CBL: variants seen among roughly 807,000 people sequenced by gnomAD.
CBL encodes the protein Cbl proto-oncogene.
CBL carries 45 observed loss-of-function variants against 96.9 expected under a neutral mutation model. That is an observed-to-expected ratio of 0.46 (90% CI 0.37 to 0.60). The LOEUF (loss-of-function observed/expected upper bound fraction) is 0.60. Ranked by LOEUF, CBL falls within the 20% of genes least tolerant of loss-of-function variation. The pLI is 0.00. For missense variants in CBL, 1,024 were observed against 1,143.5 expected, an observed-to-expected ratio of 0.90 and a Z score of 1.51; for synonymous variants, 420 against 426.8, an observed-to-expected ratio of 0.98 and a Z score of 0.20.
chr11:119,283,621 C>CTT (rs1410071154), intron 9 of CBL, among the ~76,000 whole-genome samples: 3 of 36,492 alleles, frequency 8.2e-5, no homozygotes, highest in South Asian at 1.4e-3. Context: ...CTTTTTAATT[C>CTT]TTTCTTTTTT....
At chr11:119,240,202 C>G (rs1237344043) in intron 2 of CBL, among the ~76,000 whole-genome samples, 1 of 151,376 alleles carries the variant, frequency 6.6e-6, no homozygotes, top group African/African-American at 2.4e-5. Context: ...GGCTAAGGCA[C>G]GAGAATTGCT....
At chr11:119,246,768 A>C (rs1057134792) in intron 2 of CBL, among the ~76,000 whole-genome samples, 14 of 152,160 alleles carry the variant, frequency 9.2e-5, no homozygotes, top group Non-Finnish European at 1.8e-4. Flanking sequence ...TAGTTTCTTA[A>C]AAGGTTAGTT....
At chr11:119,242,831 A>G (rs1301913848) in intron 2 of CBL, among the ~76,000 whole-genome samples, 1 of 151,738 alleles carries the variant, frequency 6.6e-6, no homozygotes, top group Non-Finnish European at 1.5e-5. Flanking sequence ...TGGCAAATCT[A>G]CTTTTTTTTA....
At position 119,222,835 on chromosome 11, in the gene CBL, A is replaced by T. The variant is rs76928939; in HGVS notation, c.196-9613A>T. 7.2e-5 allele frequency among the ~76,000 whole-genome samples: 11 copies of T among 152,264 alleles called. No individual in the cohort carries two copies. The East Asian group carries it at 2.1e-3, about 29-fold the overall frequency. On this transcript the variant is annotated intron_variant, in intron 1 of 15. Coordinates refer to ENST00000264033, the MANE Select transcript of CBL (RefSeq NM_005188.4). The stretch of plus-strand genomic sequence containing the variant: ...CCATTTTTTAAAAGAGGTTATACAT[A>T]ATAAGGACTTTTTTTCCTTTCCAAA...
chr11:119,220,464 T>C (rs1205585665), intron 1 of CBL, among the ~76,000 whole-genome samples: 2 of 152,186 alleles, frequency 1.3e-5, no homozygotes, highest in Non-Finnish European at 1.5e-5. Context: ...TAGCCAGGTG[T>C]GGCACATGCC....
chr11:119,249,155 C>T (rs1170443843), intron 2 of CBL, among the ~76,000 whole-genome samples: 4 of 152,188 alleles, frequency 2.6e-5, no homozygotes, highest in Non-Finnish European at 4.4e-5. Context: ...TTCATAGCAG[C>T]AGTTTTCACA....
Position 119,300,391 on chromosome 11 carries a change from C to A in CBL, c.*610C>A. On this transcript the variant is annotated 3_prime_UTR_variant, in exon 16 of 16. Coordinates refer to ENST00000264033, the MANE Select transcript of CBL (RefSeq NM_005188.4). ...ATTTTTAGAACACCTTCTGTCTGTTCTTTCCCCATCAACTCCTTCCTCATC... is the reference window on the plus strand; with the variant it reads ...ATTTTTAGAACACCTTCTGTCTGTTATTTCCCCATCAACTCCTTCCTCATC... 2.5e-6 allele frequency: 1 copy of A among 406,714 alleles called. No individual in the cohort carries two copies. The highest frequency in any genetic ancestry group is 1.1e-4 in the South Asian group (1 of 8,756). 25.2% of individuals were successfully genotyped at this position (406,714 alleles called of 1,614,324 possible).
intron 4 of CBL, 123 bp downstream of exon 4, chr11:119,274,147 T>A: frequency 1.3e-6 from 1 of 772,998 alleles, no homozygotes; most frequent in Non-Finnish European, 2.1e-6. Context: ...TAATTCATTT[T>A]AGGAACTATG....
At chr11:119,258,365 C>CA (rs1449595059) in intron 2 of CBL, among the ~76,000 whole-genome samples, 3 of 152,124 alleles carry the variant, frequency 2.0e-5, no homozygotes, top group Non-Finnish European at 4.4e-5. Flanking sequence ...AGGAAACTGA[C>CA]AGTCATGGTG....
At chr11:119,296,846 G>A in intron 12 of CBL, 72 bp from the exon 13 acceptor site, 1 of 783,550 alleles carries the variant, frequency 1.3e-6, no homozygotes, top group African/African-American at 1.7e-5. Flanking sequence ...CTGTTTTTAA[G>A]CCATTTATTT....
rs1591275180 is a variant in CBL at position 119,306,152 on chromosome 11, T to C, written c.*6371T>C. On this transcript the variant is annotated 3_prime_UTR_variant, in exon 16 of 16. Transcript: ENST00000264033. ...GGGGAGAGCAAGCCCCGCATGTCCA[T>C]GGCGAGTCAGGTGGGGAGCACGGGT... 1 of 397,594 alleles carries C rather than the reference T, an allele frequency of 2.5e-6. No homozygotes were observed. The highest frequency in any genetic ancestry group is 4.4e-6 in the Non-Finnish European group (1 of 225,796). The allele number at this position is 397,594 out of a possible 1,614,324, so 24.6% of individuals were successfully genotyped here. A position where few individuals can be genotyped will look rare whatever the true frequency, so the allele number is the denominator to read the frequency against.
At chr11:119,235,101 A>G (rs186670385) in intron 2 of CBL, among the ~76,000 whole-genome samples, 70 of 152,078 alleles carry the variant, frequency 4.6e-4, no homozygotes, top group African/African-American at 1.7e-3. Context: ...TTTAAAGAGC[A>G]TTTCTTTTTT....
At chr11:119,227,506 CT>C (rs1284682704) in intron 1 of CBL, among the ~76,000 whole-genome samples, 1 of 151,750 alleles carries the variant, frequency 6.6e-6, no homozygotes, top group Non-Finnish European at 1.5e-5. Context: ...CCAGCACTTT[CT>C]TATCATATTA....
Position 119,285,313 on chromosome 11 carries a change from GC to G in CBL, c.1692del (p.Leu565CysfsTer50). 1 of 1,613,992 alleles carries G rather than the reference GC, an allele frequency of 6.2e-7. No individual in the cohort carries two copies. The highest frequency in any genetic ancestry group is 8.5e-7 in the Non-Finnish European group (1 of 1,180,028). On this transcript the variant is annotated frameshift_variant, in exon 11 of 16. Transcript: ENST00000264033. LOFTEE classifies it high-confidence loss of function. ...SVGAESRPQR[R>X]PLPCTPGDCP... ...GGAGCAGAATCCCGACCTCAAAGAC[GC>G]CCCTTGCCTTGTACACCAGGCGACT...
At chr11:119,232,858 T>C (rs1949514951) in intron 2 of CBL, among the ~76,000 whole-genome samples, 163 bp downstream of exon 2, 1 of 152,214 alleles carries the variant, frequency 6.6e-6, no homozygotes, top group African/African-American at 2.4e-5. Context: ...ATGGATGACG[T>C]TGTACTATCC....
At chr11:119,227,987 A>C (rs1416148873) in intron 1 of CBL, among the ~76,000 whole-genome samples, 1 of 152,130 alleles carries the variant, frequency 6.6e-6, no homozygotes, top group East Asian at 1.9e-4. Flanking sequence ...GAGAAAAATA[A>C]AAACTGGTAC....
chr11:119,227,340 A>C lies in CBL; in HGVS notation c.196-5108A>C, dbSNP rs898418161. 2.6e-5 allele frequency among the ~76,000 whole-genome samples: 4 copies of C among 152,124 alleles called. No homozygotes were observed. In the South Asian group the frequency reaches 6.2e-4, roughly 24 times the overall value. On this transcript the variant is annotated intron_variant, in intron 1 of 15. Transcript: ENST00000264033. ...TATTGACTTATGATACCTTCAACTT[A>C]GGATAGGTTTATTGGAATGTAACTC...
chr11:119,211,068 T>C (rs1435022014), intron 1 of CBL, among the ~76,000 whole-genome samples: 1 of 152,140 alleles, frequency 6.6e-6, no homozygotes, highest in African/African-American at 2.4e-5. Context: ...ATAAATGTAG[T>C]CTTCCAAAAT....
chr11:119,285,539 A>G lies in CBL; in HGVS notation c.1914A>G (p.Gly638=), dbSNP rs2135310998. ...CCAGACCAGATGTGCCTAGGCTCGG[A>G]AGCACGTTCAGTCTGGATACCTCCA... ...MEPRPDVPRL[G]STFSLDTSMS... is the part of the protein sequence containing the mutation. The change falls in exon 11 of 16, where the codon GGA becomes GGG. Residue 638 remains glycine, a synonymous_variant. Coordinates refer to ENST00000264033, the MANE Select transcript of CBL (RefSeq NM_005188.4). The G allele has an allele frequency of 6.2e-7, 1 of 1,614,086 alleles. No homozygotes were observed. Among genetic ancestry groups the G allele is most frequent in the Non-Finnish European group, 8.5e-7 (1 of 1,180,030 alleles).
Sources: gnomAD v4.1 joint callset for allele counts (sites outside exome capture counted in the v4.1 genomes callset) on GRCh38, gnomAD v4.1.1 for gene constraint, MANE v1.5 for transcripts, NCBI Gene and HGNC (gene_info 2026-07-23, HGNC 2026-07-21) for gene names.